Variants in ABCA6 observed in about 807,000 individuals in gnomAD.
The protein encoded by ABCA6 is ATP-binding cassette sub-family A member 6.
ABCA6 carries 164 observed loss-of-function variants against 191.2 expected under a neutral mutation model. The ratio of observed to expected loss-of-function variants is 0.86; its 90% CI spans 0.76 to 0.98. ABCA6 has a LOEUF of 0.98. Among genes scored for constraint, ABCA6 ranks in the 50% least tolerant of loss-of-function variants. The probability of loss-of-function intolerance (pLI) is 0.00; values close to 1 mark genes in which losing one functional copy is unlikely to be tolerated. For missense variants in ABCA6, 1,958 were observed against 1,894.1 expected, an observed-to-expected ratio of 1.03 and a Z score of -0.63; for synonymous variants, 636 against 647.7, an observed-to-expected ratio of 0.98 and a Z score of 0.27.
chr17:69,128,078 A>C (rs921211452), intron 8 of ABCA6, among the ~76,000 whole-genome samples: 6 of 152,102 alleles, frequency 3.9e-5, no homozygotes, highest in African/African-American at 1.4e-4. Flanking sequence ...ACACATACTT[A>C]AGTGGTAATG....
At chr17:69,136,825 T>A (rs1283449706) in intron 3 of ABCA6, among the ~76,000 whole-genome samples, 1 of 152,156 alleles carries the variant, frequency 6.6e-6, no homozygotes, top group Non-Finnish European at 1.5e-5. Flanking sequence ...CTTTTAAAGA[T>A]GTTTACTGAT....
rs1264168417 is a variant in ABCA6 at position 69,083,030 on chromosome 17, G to T, written c.4476-17C>A. On this transcript the variant is annotated splice_polypyrimidine_tract_variant and intron_variant, in intron 35 of 38. Transcript: ENST00000284425. ...CCAATGCATCTATGGGCAAGAAAGA[G>T]AATATGTTGGAAAAAATATTGCCCT... 2 of 1,608,372 alleles carry T rather than the reference G, an allele frequency of 1.2e-6. No homozygotes were observed. Among genetic ancestry groups the T allele is most frequent in the Non-Finnish European group, 1.7e-6 (2 of 1,177,886 alleles).
At position 69,105,385 on chromosome 17, in the gene ABCA6, TTC is replaced by T; in HGVS notation, c.2740+75_2740+76del. ...CCCATTTTCTTCTCTTATGATTCAC[TTC>T]CCCCCCCCACCTCCTGTGCTATTCA... On this transcript the variant is annotated intron_variant, in intron 20 of 38. Transcript: ENST00000284425. 2.2e-6 allele frequency: 3 copies of T among 1,362,636 alleles called. No homozygotes were observed. The East Asian group carries it at 9.3e-5, about 42-fold the overall frequency. The allele number at this position is 1,362,636 out of a possible 1,614,324, so 84.4% of individuals were successfully genotyped here.
intron 1 of ABCA6, among the ~76,000 whole-genome samples, chr17:69,141,313 A>G (rs2074021778): frequency 6.6e-6 from 1 of 152,104 alleles, no homozygotes; most frequent in Admixed American, 6.6e-5. Context: ...TCTGAGATAC[A>G]GGAAGAATAA....
At position 69,123,225 on chromosome 17, in the gene ABCA6, A is replaced by G. The variant is rs2073683399; in HGVS notation, c.1436+14T>C. The G allele has an allele frequency of 2.8e-6, 4 of 1,431,230 alleles. No homozygotes were observed. The highest frequency in any genetic ancestry group is 3.4e-5 in the South Asian group (2 of 58,062). 88.7% of individuals were successfully genotyped at this position (1,431,230 alleles called of 1,614,324 possible). ...TTGTGCTCATGCATTAGTATTACTT[A>G]TAAGTGTGATTACCTGATGGCTTCT... On this transcript the variant is annotated intron_variant, in intron 10 of 38. Transcript: ENST00000284425.
intron 10 of ABCA6, among the ~76,000 whole-genome samples, chr17:69,119,080 A>C (rs1007499804): frequency 2.6e-5 from 4 of 152,080 alleles, no homozygotes; most frequent in Admixed American, 6.6e-5. Context: ...TGCAGAGTTC[A>C]CAGAAAAAAG....
Position 69,105,628 on chromosome 17 carries a change from T to C in ABCA6, c.2574A>G (p.Leu858=). 3.4e-6 allele frequency: 5 copies of C among 1,467,106 alleles called. No individual in the cohort carries two copies. The highest frequency in any genetic ancestry group is 4.7e-6 in the Non-Finnish European group (5 of 1,067,274). 90.9% of individuals were successfully genotyped at this position (1,467,106 alleles called of 1,614,324 possible). A position where few individuals can be genotyped will look rare whatever the true frequency, so the allele number is the denominator to read the frequency against. Residue 858 remains leucine (L), a splice_region_variant and synonymous_variant, in exon 20 of 39, where the codon CTA becomes CTG. Coordinates refer to ENST00000284425, the MANE Select transcript of ABCA6 (RefSeq NM_080284.3). ...ATATTGCGATTCCAAATACCAATAA[T>C]CTAAACAATAAAGAAAAATTAGCAT... ...LKRQTKVLLT[L]LLVFGIAIFP...
intron 4 of ABCA6, among the ~76,000 whole-genome samples, chr17:69,134,958 C>G (rs1294037731): frequency 7.3e-6 from 1 of 137,306 alleles, no homozygotes; most frequent in Non-Finnish European, 1.5e-5. Flanking sequence ...TCTCAGCTCA[C>G]TGCAACCTCC....
intron 29 of ABCA6, 36 bp downstream of exon 29, chr17:69,087,317 C>A: frequency 6.2e-7 from 1 of 1,603,254 alleles, no homozygotes; most frequent in South Asian, 1.1e-5. Flanking sequence ...TCTTGAATAT[C>A]TCCATTAATA....
chr17:69,084,588 G>T, intron 32 of ABCA6, 81 bp from the exon 33 acceptor site: 1 of 1,233,344 alleles, frequency 8.1e-7, no homozygotes, highest in Non-Finnish European at 1.2e-6. Context: ...AACAGCATTA[G>T]AGGGAAGTTT....
rs1568011106 is a variant in ABCA6, at chr17:69,102,920, A to G, written c.2789T>C (p.Leu930Pro). 7 of 1,583,072 alleles carry G rather than the reference A, an allele frequency of 4.4e-6. No individual in the cohort carries two copies. Among genetic ancestry groups the G allele is most frequent in the Non-Finnish European group, 6.0e-6 (7 of 1,159,168 alleles). Residue 930 changes from leucine to proline, a missense_variant, in exon 21 of 39, where the codon CTT (leucine) becomes CCT (proline). Leu to Pro is a moderately conservative substitution (Grantham distance 98). Transcript: ENST00000284425. Reference sequence around the variant, plus strand: ...GTTTTCAAAGTCATCTACTTCCAAAAGTATATTTTGATGCTTCAGTGATTT... The same window carrying G: ...GTTTTCAAAGTCATCTACTTCCAAAGGTATATTTTGATGCTTCAGTGATTT... Reference protein sequence around the residue: ...FIKSLKHQNILLEVDDFENRN... With the variant: ...FIKSLKHQNIPLEVDDFENRN...
At position 69,140,700 on chromosome 17, in the gene ABCA6, T is replaced by C; in HGVS notation, c.4A>G (p.Asn2Asp). The C allele has an allele frequency of 6.3e-7, 1 of 1,584,152 alleles. No individual in the cohort carries two copies. Among genetic ancestry groups the C allele is most frequent in the East Asian group, 2.3e-5 (1 of 43,368 alleles). M[N>D]MKQKSVYQQT... is the part of the protein sequence containing the mutation. ...TGATACACGCTTTTCTGTTTCATAT[T>C]CATTTAGCCTATTCGCTGAAGGAGA... Residue 2 changes from asparagine to aspartate, a missense_variant, in exon 2 of 39, where the codon AAT (asparagine) becomes GAT (aspartate). Asn to Asp is a conservative substitution (Grantham distance 23, BLOSUM62 1). Coordinates refer to ENST00000284425, the MANE Select transcript of ABCA6 (RefSeq NM_080284.3).
chr17:69,103,517 A>G (rs4141177), intron 20 of ABCA6, among the ~76,000 whole-genome samples: 42,523 of 152,002 alleles, frequency 0.28, 6,613 homozygotes, highest in East Asian at 0.59. Context: ...CATCAGATCA[A>G]ACTTTTAGAT....
chr17:69,138,209 T>A (rs1030040793), intron 2 of ABCA6, among the ~76,000 whole-genome samples: 2 of 152,186 alleles, frequency 1.3e-5, no homozygotes, highest in Non-Finnish European at 2.9e-5. Context: ...AGGTCCTGGA[T>A]GAAGCCTAGG....
At chr17:69,083,100 G>A (rs749497012) in intron 35 of ABCA6, 87 bp from the exon 36 acceptor site, 5 of 1,581,168 alleles carry the variant, frequency 3.2e-6, no homozygotes, top group Admixed American at 3.5e-5. Context: ...AGAAGAAAAG[G>A]TGTCACCAAG....
At chr17:69,083,037 T>C (rs2072680889) in intron 35 of ABCA6, 24 bp from the exon 36 acceptor site, 4 of 1,608,820 alleles carry the variant, frequency 2.5e-6, no homozygotes, top group African/African-American at 2.7e-5. Flanking sequence ...AGAGAATATG[T>C]TGGAAAAAAT....
chr17:69,082,362 C>CACACACAG (rs1447375561), intron 36 of ABCA6, among the ~76,000 whole-genome samples: 109 of 138,496 alleles, frequency 7.9e-4, no homozygotes, highest in African/African-American at 2.8e-3. Flanking sequence ...CACACACACA[C>CACACACAG]AGATATGTGG....
At chr17:69,101,003 A>G in intron 21 of ABCA6, 69 bp from the exon 22 acceptor site, 1 of 1,337,666 alleles carries the variant, frequency 7.5e-7, no homozygotes, top group South Asian at 1.4e-5. Context: ...GTTTATGTAT[A>G]AAAGATCCTA....
At chr17:69,121,697 G>A (rs1315372450) in intron 10 of ABCA6, among the ~76,000 whole-genome samples, 1 of 151,986 alleles carries the variant, frequency 6.6e-6, no homozygotes, top group Non-Finnish European at 1.5e-5. Flanking sequence ...AGAAAATTTT[G>A]AGGTCTTTGT....
Sources: allele counts gnomAD v4.1 joint callset (sites outside exome capture counted in the v4.1 genomes callset), GRCh38; gene constraint gnomAD v4.1.1; transcripts MANE v1.5; gene names NCBI Gene and HGNC (gene_info 2026-07-23, HGNC 2026-07-21).